Variants in MYCBP2 observed in about 807,000 individuals in gnomAD.
MYCBP2 encodes E3 ubiquitin-protein ligase MYCBP2.
In MYCBP2, 120 loss-of-function variants were observed where a neutral mutation model predicts 525.3. The observed-to-expected ratio is 0.23, with a 90% CI of 0.20 to 0.27. The LOEUF is 0.27. Ranked by LOEUF, MYCBP2 falls within the 10% of genes least tolerant of loss-of-function variation. The probability of loss-of-function intolerance (pLI) is 1.00; values close to 1 mark genes in which losing one functional copy is unlikely to be tolerated. For missense variants in MYCBP2, 4,149 were observed against 5,657.1 expected, an observed-to-expected ratio of 0.73 and a Z score of 8.55; for synonymous variants, 1,894 against 1,955.8, an observed-to-expected ratio of 0.97 and a Z score of 0.83.
chr13:77,130,268 T>G (rs1193129448), intron 52 of MYCBP2, among the ~76,000 whole-genome samples: 1 of 151,714 alleles, frequency 6.6e-6, no homozygotes, highest in African/African-American at 2.4e-5. Context: ...AACATCAAAA[T>G]TCCTTATCAA....
intron 2 of MYCBP2, among the ~76,000 whole-genome samples, chr13:77,294,744 C>T (rs891013163): frequency 1.3e-5 from 2 of 152,212 alleles, no homozygotes; most frequent in African/African-American, 2.4e-5. Context: ...CGCTCCACTT[C>T]CCTCCTCTAT....
At chr13:77,155,815 C>T (rs933237223) in intron 46 of MYCBP2, among the ~76,000 whole-genome samples, 4 of 152,118 alleles carry the variant, frequency 2.6e-5, no homozygotes, top group African/African-American at 7.2e-5. Context: ...ACTTTCTTAT[C>T]CCTCCTTTGA....
chr13:77,282,695 T>C (rs1447074516), intron 3 of MYCBP2, among the ~76,000 whole-genome samples: 3 of 152,170 alleles, frequency 2.0e-5, no homozygotes, highest in African/African-American at 7.2e-5. Flanking sequence ...CAGCCCTACA[T>C]AGCACACACT....
chr13:77,276,623 T>G (rs2075615083), intron 4 of MYCBP2, among the ~76,000 whole-genome samples: 1 of 151,756 alleles, frequency 6.6e-6, no homozygotes, highest in Non-Finnish European at 1.5e-5. Context: ...ATGAACAGAT[T>G]AATAAGGTGA....
intron 13 of MYCBP2, among the ~76,000 whole-genome samples, chr13:77,258,368 A>G (rs2072614549): frequency 6.6e-6 from 1 of 152,172 alleles, no homozygotes; most frequent in Non-Finnish European, 1.5e-5. Context: ...TATTACTTTC[A>G]TTATATTTGT....
chr13:77,223,228 G>A (rs1212024874), intron 20 of MYCBP2, among the ~76,000 whole-genome samples: 1 of 152,180 alleles, frequency 6.6e-6, no homozygotes, highest in Non-Finnish European at 1.5e-5. Flanking sequence ...ACATGGTGAA[G>A]GTATGAATGT....
chr13:77,325,187 T>G (rs1314991679), intron 1 of MYCBP2, among the ~76,000 whole-genome samples: 3 of 152,216 alleles, frequency 2.0e-5, no homozygotes, highest in African/African-American at 7.2e-5. Context: ...CCATGATACC[T>G]AGTGATAAGC....
chr13:77,121,300 A>G (rs1166694020), intron 55 of MYCBP2, 73 bp downstream of exon 55: 4 of 1,279,122 alleles, frequency 3.1e-6, no homozygotes, highest in Non-Finnish European at 4.1e-6. Flanking sequence ...ACACAAATAA[A>G]AAGTGTATAA....
At chr13:77,075,435 C>G (rs928056500) in intron 68 of MYCBP2, 1 of 152,134 alleles carries the variant, frequency 6.6e-6, no homozygotes, top group Non-Finnish European at 1.5e-5. Context: ...ATACACTCTC[C>G]CACCCTTAGG....
In MYCBP2 at chr13:77,262,109, ACTC is replaced by A; in HGVS notation, c.1588_1590del (p.Glu530del). On this transcript the variant is annotated inframe_deletion, in exon 11 of 83. Coordinates refer to ENST00000544440, the MANE Select transcript of MYCBP2 (RefSeq NM_015057.5). ...TCTCGTCCTGCACCAAGAATTGCTG[ACTC>A]CTCATCAAATCCTGTACCTGAAATA... The A allele has an allele frequency of 1.2e-6, 2 of 1,611,142 alleles. No homozygotes were observed. Among genetic ancestry groups the A allele is most frequent in the Admixed American group, 1.7e-5 (1 of 59,908 alleles).
intron 32 of MYCBP2, among the ~76,000 whole-genome samples, chr13:77,184,767 G>A (rs912184378): frequency 2.6e-5 from 4 of 152,102 alleles, no homozygotes; most frequent in African/African-American, 7.2e-5. Flanking sequence ...TCTCCTTCCT[G>A]TTCTCACAGA....
chr13:77,248,289 T>C (rs2070438456), intron 15 of MYCBP2, among the ~76,000 whole-genome samples: 1 of 152,124 alleles, frequency 6.6e-6, no homozygotes. Context: ...TTTAAAAATT[T>C]TCTGCTTGAA....
intron 80 of MYCBP2, 53 bp from the exon 81 acceptor site, chr13:77,051,971 G>T: frequency 7.4e-7 from 1 of 1,346,868 alleles, no homozygotes; most frequent in South Asian, 1.2e-5. Flanking sequence ...ACTCTGGCAT[G>T]GGAGATACAG....
At chr13:77,213,204 G>A (rs2064281832) in intron 21 of MYCBP2, among the ~76,000 whole-genome samples, 1 of 152,244 alleles carries the variant, frequency 6.6e-6, no homozygotes, top group African/African-American at 2.4e-5. Context: ...GCCAGGTGCA[G>A]TAGCTCACGC....
intron 53 of MYCBP2, among the ~76,000 whole-genome samples, chr13:77,126,076 A>C (rs1290789880): frequency 6.6e-6 from 1 of 152,242 alleles, no homozygotes; most frequent in Non-Finnish European, 1.5e-5. Flanking sequence ...AAATATGTGC[A>C]AATACCAAAC....
chr13:77,069,129 T>C (rs1482413486), intron 69 of MYCBP2, among the ~76,000 whole-genome samples: 6 of 152,196 alleles, frequency 3.9e-5, no homozygotes, highest in Non-Finnish European at 2.9e-5. Flanking sequence ...CCAATCACCA[T>C]ATTTTATCAC....
chr13:77,183,253 T>C (rs2060383376), intron 32 of MYCBP2, among the ~76,000 whole-genome samples: 1 of 152,168 alleles, frequency 6.6e-6, no homozygotes, highest in Non-Finnish European at 1.5e-5. Flanking sequence ...ACTCATAAAA[T>C]TAGTTGGGAA....
At chr13:77,102,939 T>A (rs2047298273) in intron 55 of MYCBP2, among the ~76,000 whole-genome samples, 2 of 152,146 alleles carry the variant, frequency 1.3e-5, no homozygotes, top group South Asian at 4.1e-4. Context: ...CTATTTTAAT[T>A]TTAATGATCT....
intron 3 of MYCBP2, 119 bp from the exon 4 acceptor site, chr13:77,279,030 C>T: frequency 1.7e-6 from 1 of 574,716 alleles, no homozygotes; most frequent in Non-Finnish European, 2.6e-6. Flanking sequence ...TATAATGGAG[C>T]CATAATAAAA....
Sources: gnomAD v4.1 joint callset for allele counts (sites outside exome capture counted in the v4.1 genomes callset) on GRCh38, gnomAD v4.1.1 for gene constraint, MANE v1.5 for transcripts, NCBI Gene and HGNC (gene_info 2026-07-23, HGNC 2026-07-21) for gene names.